Variants in FPR2 observed in about 807,000 individuals in gnomAD.
FPR2 encodes N-formyl peptide receptor 2.
Under a neutral mutation model 4.0 loss-of-function variants are expected in FPR2, and 3 were observed. That is an observed-to-expected ratio of 0.74 (90% CI 0.34 to 1.92). The LOEUF (loss-of-function observed/expected upper bound fraction) is 1.92, where lower values mean the gene tolerates loss of function less well. Ranked by LOEUF, FPR2 falls within the 30% of genes most tolerant of loss-of-function variation. The pLI is 0.07. For synonymous variants in FPR2, 179 were observed against 171.5 expected (o/e 1.04, Z -0.34); for missense variants, 372 against 435.7 (o/e 0.85, Z 1.30).
At position 51,766,665 on chromosome 19, in the gene FPR2, C is replaced by T. The variant is rs73577360; in HGVS notation, c.-14-1980C>T. ...CTCTGGAGTTGTTCATCTCGGTTTCCGTATCTTGCTGCCTCCACTGACTGG... is the reference window on the plus strand; with the variant it reads ...CTCTGGAGTTGTTCATCTCGGTTTCTGTATCTTGCTGCCTCCACTGACTGG... On this transcript the variant is annotated intron_variant, in intron 1 of 1. Coordinates refer to ENST00000340023, the MANE Select transcript of FPR2 (RefSeq NM_001005738.2). Among the ~76,000 whole-genome samples, 414 of 152,254 alleles carry T rather than the reference C, an allele frequency of 2.7e-3. 4 individuals carry two copies. The highest frequency in any genetic ancestry group is 9.5e-3 in the African/African-American group (393 of 41,530).
intron 1 of FPR2, among the ~76,000 whole-genome samples, chr19:51,763,812 C>T (rs1706457482): frequency 6.6e-6 from 1 of 152,118 alleles, no homozygotes; most frequent in Non-Finnish European, 1.5e-5. Context: ...GGCTGGAGTG[C>T]AGTGGTGCGA....
chr19:51,769,054 G>A lies in FPR2; in HGVS notation c.396G>A (p.Trp132Ter). ...DRCICVLHPV[W>*]AQNHRTVSLA... The stretch of plus-strand genomic sequence containing the variant: ...GCATTTGTGTCCTGCATCCAGTCTG[G>A]GCCCAGAACCACCGCACTGTGAGTC... Residue 132 changes from tryptophan to a stop codon, truncating the protein, a stop_gained, in exon 2 of 2, where the codon TGG becomes TGA. Transcript: ENST00000340023. LOFTEE classifies it low-confidence loss of function (END_TRUNC). The surrounding 1 kb of genome is among the most constrained non-coding windows in gnomAD (Gnocchi z 4.4). The A allele has an allele frequency of 1.9e-6, 3 of 1,614,106 alleles. No homozygotes were observed. Among genetic ancestry groups the A allele is most frequent in the South Asian group, 2.2e-5 (2 of 91,076 alleles).
In FPR2 at chr19:51,769,255, A is replaced by G; in HGVS notation, c.597A>G (p.Thr199=). 5 of 1,614,230 alleles carry G rather than the reference A, an allele frequency of 3.1e-6. No individual in the cohort carries two copies. The highest frequency in any genetic ancestry group is 3.4e-6 in the Non-Finnish European group (4 of 1,180,044). ...TGAAGGTGGCCATTACCATGCTGAC[A>G]GCCAGAGGGATTATCCGGTTTGTCA... is the stretch of plus-strand genomic sequence containing the variant. ...ERLKVAITML[T]ARGIIRFVIG... The change falls in exon 2 of 2, where the codon ACA becomes ACG. Residue 199 remains threonine (T), a synonymous_variant. Coordinates refer to ENST00000340023, the MANE Select transcript of FPR2 (RefSeq NM_001005738.2). This position sits in a 1 kb window ranked among gnomAD's most constrained non-coding sequence, Gnocchi z 4.4.
intron 1 of FPR2, among the ~76,000 whole-genome samples, chr19:51,762,029 T>A (rs1410476116): frequency 6.6e-6 from 1 of 151,482 alleles, no homozygotes; most frequent in East Asian, 1.9e-4. Flanking sequence ...AAGGATAAGT[T>A]AGAAGTTTGG....
intron 1 of FPR2, 27 bp from the exon 2 acceptor site, chr19:51,768,618 G>A: frequency 6.5e-7 from 1 of 1,533,818 alleles, no homozygotes; most frequent in Non-Finnish European, 8.8e-7. Context: ...CCACAGCTGA[G>A]AAATGGCCAT....
chr19:51,766,705 GA>G (rs967043690), intron 1 of FPR2, among the ~76,000 whole-genome samples: 32 of 152,156 alleles, frequency 2.1e-4, no homozygotes, highest in African/African-American at 7.7e-4. Flanking sequence ...GCATGATGTT[GA>G]AAAAAACTAC....
Position 51,766,623 on chromosome 19 carries a change from G to A in FPR2, c.-14-2022G>A, listed in dbSNP as rs150088956. On this transcript the variant is annotated intron_variant, in intron 1 of 1. Transcript: ENST00000340023. ...AATCCCTTTCAAAGGCAGGACTTCC[G>A]TATGCAAAGGCAGTGGCTCTGGAGT... is the stretch of plus-strand genomic sequence containing the variant. Among the ~76,000 whole-genome samples, 55 of 152,280 alleles carry A rather than the reference G, an allele frequency of 3.6e-4. 1 individual carries two copies. In the South Asian group the frequency reaches 0.01, roughly 29 times the overall value.
intron 1 of FPR2, among the ~76,000 whole-genome samples, chr19:51,764,170 G>A (rs2122355401): frequency 6.6e-6 from 1 of 152,326 alleles, no homozygotes; most frequent in East Asian, 1.9e-4. Flanking sequence ...GCAGAAAATG[G>A]AAGGACAAAT....
intron 1 of FPR2, among the ~76,000 whole-genome samples, 164 bp downstream of exon 1, chr19:51,761,394 A>C (rs1198422895): frequency 1.3e-5 from 2 of 152,234 alleles, no homozygotes; most frequent in Middle Eastern, 3.2e-3. Context: ...TAAGTGTAAA[A>C]TATACTTAGT....
intron 1 of FPR2, among the ~76,000 whole-genome samples, chr19:51,765,249 AG>A (rs1394114570): frequency 1.3e-5 from 2 of 152,168 alleles, no homozygotes; most frequent in Non-Finnish European, 2.9e-5. Context: ...GGGGTGGAAA[AG>A]GGTTAACAGC....
rs201955289 is a variant in FPR2 at position 51,769,744 on chromosome 19, T to C, written c.*30T>C. ...GGGGTCAGGGATATTTTGAGTTCTGTTCATCCTACCCTAATGCCAGTTCCA... is the reference window on the plus strand; with the variant it reads ...GGGGTCAGGGATATTTTGAGTTCTGCTCATCCTACCCTAATGCCAGTTCCA... On this transcript the variant is annotated 3_prime_UTR_variant, in exon 2 of 2. Coordinates refer to ENST00000340023, the MANE Select transcript of FPR2 (RefSeq NM_001005738.2). This position sits in a 1 kb window ranked among gnomAD's most constrained non-coding sequence, Gnocchi z 4.4. 6.3e-7 allele frequency: 1 copy of C among 1,582,856 alleles called. No individual in the cohort carries two copies. The highest frequency in any genetic ancestry group is 1.3e-5 in the African/African-American group (1 of 74,384).
At chr19:51,765,416 G>C (rs1221189305) in intron 1 of FPR2, among the ~76,000 whole-genome samples, 2 of 152,128 alleles carry the variant, frequency 1.3e-5, no homozygotes, top group Non-Finnish European at 2.9e-5. Flanking sequence ...AGTACTTGTG[G>C]TTTTTGATAT....
intron 1 of FPR2, among the ~76,000 whole-genome samples, chr19:51,764,054 T>C (rs151057281): frequency 0.041 from 6,242 of 152,284 alleles, 189 homozygotes; most frequent in Middle Eastern, 0.082. Context: ...CCACGGCACC[T>C]GGCCAAGGAT....
At chr19:51,768,523 G>T in intron 1 of FPR2, 122 bp from the exon 2 acceptor site, 4 of 757,058 alleles carry the variant, frequency 5.3e-6, no homozygotes, top group South Asian at 3.8e-5. Flanking sequence ...AACAAGGCTT[G>T]GTAGATAGAG....
At chr19:51,763,361 G>C (rs1283658998) in intron 1 of FPR2, 4 of 152,168 alleles carry the variant, frequency 2.6e-5, no homozygotes, top group Non-Finnish European at 4.4e-5. Flanking sequence ...TCATGGCACA[G>C]GAAAAACGTG....
chr19:51,768,460 A>C (rs530124066), intron 1 of FPR2, 185 bp from the exon 2 acceptor site: 2 of 585,948 alleles, frequency 3.4e-6, no homozygotes, highest in African/African-American at 3.7e-5. Context: ...ATGGAGGACT[A>C]TCCCTTCCCA....
In FPR2 at chr19:51,769,785, G is replaced by C. The variant is rs1377353451; in HGVS notation, c.*71G>C. 7.8e-7 allele frequency: 1 copy of C among 1,280,302 alleles called. No homozygotes were observed. The highest frequency in any genetic ancestry group is 1.1e-6 in the Non-Finnish European group (1 of 898,604). 79.3% of individuals were successfully genotyped at this position (1,280,302 alleles called of 1,614,324 possible). ...GCCAGTTCCAGCTTCATCTACCCTT[G>C]AGTCATATTGAGGCATTCAAGGATG... On this transcript the variant is annotated 3_prime_UTR_variant, in exon 2 of 2. Transcript: ENST00000340023. The surrounding 1 kb of genome is among the most constrained non-coding windows in gnomAD (Gnocchi z 4.4).
chr19:51,766,055 G>A (rs927043911), intron 1 of FPR2, among the ~76,000 whole-genome samples: 7 of 152,204 alleles, frequency 4.6e-5, no homozygotes, highest in Non-Finnish European at 1.0e-4. Context: ...GAGTAGCTGG[G>A]ACTGCAAGTG....
rs559972581 is a variant in FPR2, at chr19:51,767,693, A to T, written c.-14-952A>T. Among the ~76,000 whole-genome samples, 3 of 152,292 alleles carry T rather than the reference A, an allele frequency of 2.0e-5. No individual in the cohort carries two copies. The South Asian group carries it at 6.2e-4, about 32-fold the overall frequency. On this transcript the variant is annotated intron_variant, in intron 1 of 1. Transcript: ENST00000340023. ...AAGGGTTTAGAAGTCAGACCATGCC[A>T]AACTGAAGTCCTGAATCTATTATCT...
Sources: gnomAD v4.1 joint callset for allele counts (sites outside exome capture counted in the v4.1 genomes callset) on GRCh38, gnomAD v4.1.1 for gene constraint, Gnocchi (gnomAD v3.1) non-coding constraint, MANE v1.5 for transcripts, NCBI Gene and HGNC (gene_info 2026-07-23, HGNC 2026-07-21) for gene names.